Variants in CPQ observed in about 807,000 individuals in gnomAD.
The protein encoded by CPQ is carboxypeptidase Q.
A neutral mutation model predicts 45.7 loss-of-function variants in CPQ; 37 were observed. The observed-to-expected ratio is 0.81, with a 90% confidence interval of 0.62 to 1.07. CPQ has a LOEUF of 1.07. CPQ is among the 50% of genes least tolerant of loss of function. The pLI is 0.00. For synonymous variants in CPQ, 186 were observed against 205.8 expected, an observed-to-expected ratio of 0.90 and a Z score of 0.82; for missense variants, 537 against 572.9, an observed-to-expected ratio of 0.94 and a Z score of 0.64.
intron 4 of CPQ, among the ~76,000 whole-genome samples, chr8:96,897,156 GT>G (rs1320308182): frequency 1.3e-5 from 2 of 152,298 alleles, no homozygotes; most frequent in South Asian, 2.1e-4. Flanking sequence ...TCAGAGTGCT[GT>G]AACCTATTTT....
intron 1 of CPQ, among the ~76,000 whole-genome samples, chr8:96,719,835 A>G (rs1809739427): frequency 6.6e-6 from 1 of 152,190 alleles, no homozygotes; most frequent in Non-Finnish European, 1.5e-5. Context: ...GTATAGGGTT[A>G]AGGCCTTCCC....
intron 5 of CPQ, among the ~76,000 whole-genome samples, chr8:96,983,318 T>C (rs1813939423): frequency 6.6e-6 from 1 of 152,312 alleles, no homozygotes; most frequent in African/African-American, 2.4e-5. Context: ...GGCCATGCAT[T>C]ACCCTCTAAG....
chr8:96,789,305 C>T (rs1810816708), intron 2 of CPQ, among the ~76,000 whole-genome samples: 1 of 152,062 alleles, frequency 6.6e-6, no homozygotes, highest in African/African-American at 2.4e-5. Context: ...TGTCTTCCTC[C>T]CTTTCCCCCA....
At chr8:97,004,130 TTTAAC>T (rs1327066900) in intron 5 of CPQ, among the ~76,000 whole-genome samples, 2 of 151,890 alleles carry the variant, frequency 1.3e-5, no homozygotes, top group Non-Finnish European at 2.9e-5. Context: ...AATCACAGAA[TTTAAC>T]TTAAAGTACA....
At chr8:97,128,084 T>A (rs1811876804) in intron 7 of CPQ, among the ~76,000 whole-genome samples, 1 of 152,242 alleles carries the variant, frequency 6.6e-6, no homozygotes, top group South Asian at 2.1e-4. Flanking sequence ...TCTATTCTAT[T>A]CAAATTTTGC....
chr8:97,021,267 T>C (rs893403310), intron 5 of CPQ, among the ~76,000 whole-genome samples: 22 of 152,174 alleles, frequency 1.4e-4, no homozygotes, highest in African/African-American at 5.3e-4. Context: ...GCCAACATAA[T>C]ACTGAATGGG....
Position 96,897,830 on chromosome 8 carries a change from G to A in CPQ, c.849+17825G>A, listed in dbSNP as rs148525011. On this transcript the variant is annotated intron_variant, in intron 4 of 7. Transcript: ENST00000220763. ...TTGTTTGTTTGGTTGGTTGGTTTTT[G>A]CAGTAAATTGTTGAAGTCTTAGAAG... 4.2e-3 allele frequency among the ~76,000 whole-genome samples: 636 copies of A among 152,264 alleles called. 36 individuals are homozygous for A. The highest frequency in any genetic ancestry group is 0.036 in the Admixed American group (551 of 15,278).
chr8:96,908,845 T>C (rs1812618937), intron 4 of CPQ, among the ~76,000 whole-genome samples: 1 of 152,016 alleles, frequency 6.6e-6, no homozygotes, highest in African/African-American at 2.4e-5. Context: ...CCTTATATTC[T>C]CTAAGAGATC....
chr8:96,740,932 G>A (rs1472544941), intron 1 of CPQ, among the ~76,000 whole-genome samples: 1 of 152,002 alleles, frequency 6.6e-6, no homozygotes, highest in African/African-American at 2.4e-5. Flanking sequence ...CTCTTTTTTG[G>A]TTGTGTCTCT....
At chr8:97,123,204 T>TAA (rs1229598077) in intron 7 of CPQ, among the ~76,000 whole-genome samples, 3 of 42,660 alleles carry the variant, frequency 7.0e-5, no homozygotes, top group African/African-American at 2.2e-4. Flanking sequence ...TAAAATAAAA[T>TAA]AAAAAATAAA....
intron 4 of CPQ, among the ~76,000 whole-genome samples, chr8:96,906,836 G>A (rs976493715): frequency 7.9e-5 from 12 of 151,992 alleles, no homozygotes; most frequent in African/African-American, 1.9e-4. Context: ...AATTTTGGGA[G>A]GACACAAATG....
At chr8:97,012,067 C>A (rs73281726) in intron 5 of CPQ, among the ~76,000 whole-genome samples, 3 of 152,048 alleles carry the variant, frequency 2.0e-5, no homozygotes, top group Non-Finnish European at 4.4e-5. Flanking sequence ...AACTTTTTAC[C>A]CTTTTTGTCC....
At position 96,726,873 on chromosome 8, in the gene CPQ, A is replaced by ACACCAGCAAGAAGGCTTG. The variant is rs376950408; in HGVS notation, c.-34-57985_-34-57984insCAAGAAGGCTTGCACCAG. Among the ~76,000 whole-genome samples, 904 of 152,298 alleles carry ACACCAGCAAGAAGGCTTG rather than the reference A, an allele frequency of 5.9e-3. 16 individuals are homozygous for ACACCAGCAAGAAGGCTTG. The highest frequency in any genetic ancestry group is 0.016 in the African/African-American group (653 of 41,566). ...TGCCTTGGGACTATGCAGAGAGTCC[A>ACACCAGCAAGAAGGCTTG]CACCAGATGTGACCTCTTGACTTTG... On this transcript the variant is annotated intron_variant, in intron 1 of 7. Transcript: ENST00000220763.
intron 6 of CPQ, among the ~76,000 whole-genome samples, chr8:97,046,559 A>G (rs963088444): frequency 8.5e-5 from 13 of 152,226 alleles, no homozygotes; most frequent in Admixed American, 5.2e-4. Context: ...TTAAGATTAA[A>G]CAGAATTTCT....
chr8:96,977,537 AC>A (rs1394965998), intron 5 of CPQ, among the ~76,000 whole-genome samples: 1 of 152,176 alleles, frequency 6.6e-6, no homozygotes, highest in Non-Finnish European at 1.5e-5. Flanking sequence ...ATGCTTGCCC[AC>A]TCATGTTTAT....
At chr8:96,727,215 T>C (rs1365035795) in intron 1 of CPQ, among the ~76,000 whole-genome samples, 1 of 152,200 alleles carries the variant, frequency 6.6e-6, no homozygotes, top group Admixed American at 6.5e-5. Context: ...TTTCTAGCCC[T>C]TTAGCCAATA....
At chr8:96,903,973 G>C (rs530023112) in intron 4 of CPQ, among the ~76,000 whole-genome samples, 89 of 152,260 alleles carry the variant, frequency 5.8e-4, no homozygotes, top group Non-Finnish European at 1.1e-3. Context: ...CCACACTGTT[G>C]ATACTTCTCA....
At chr8:96,686,933 A>G (rs147465057) in intron 1 of CPQ, among the ~76,000 whole-genome samples, 1,812 of 152,186 alleles carry the variant, frequency 0.012, 46 homozygotes, top group African/African-American at 0.04. Flanking sequence ...CTTAATTCTC[A>G]AATTTACTCA....
At chr8:96,985,342 C>A (rs568266291) in intron 5 of CPQ, among the ~76,000 whole-genome samples, 1 of 151,856 alleles carries the variant, frequency 6.6e-6, no homozygotes, top group South Asian at 2.1e-4. Flanking sequence ...TCTATTCTGT[C>A]CTTCTGTAAT....
Sources: gnomAD v4.1 joint callset for allele counts (sites outside exome capture counted in the v4.1 genomes callset) on GRCh38, gnomAD v4.1.1 for gene constraint, MANE v1.5 for transcripts, NCBI Gene and HGNC (gene_info 2026-07-23, HGNC 2026-07-21) for gene names.